The following GCNT4 variants were observed in gnomAD, a reference collection of about 807,000 sequenced individuals.
GCNT4 encodes the protein glucosaminyl (N-acetyl) transferase 4, also known as beta-1,3-galactosyl-O-glycosyl-glycoprotein beta-1,6-N-acetylglucosaminyltransferase 4.
A neutral mutation model predicts 31.3 loss-of-function variants in GCNT4; 17 were observed. That is an observed-to-expected ratio of 0.54 (90% CI 0.37 to 0.81). GCNT4 has a LOEUF of 0.81. Ranked by LOEUF, GCNT4 falls within the 40% of genes least tolerant of loss-of-function variation. The probability of loss-of-function intolerance (pLI) is 0.00; values close to 1 mark genes in which losing one functional copy is unlikely to be tolerated. For synonymous variants in GCNT4, 158 were observed against 190.6 expected (o/e 0.83, Z 1.41); for missense variants, 503 against 525.5 (o/e 0.96, Z 0.42).
At chr5:75,030,919 T>C (rs886216960) in intron 3 of GCNT4, 1 of 166,974 alleles carries the variant, frequency 6.0e-6, no homozygotes, top group Non-Finnish European at 1.5e-5. Context: ...ATCCATGCTA[T>C]AATATGTGAA....
intron 3 of GCNT4, among the ~76,000 whole-genome samples, chr5:75,036,960 A>G (rs916300854): frequency 6.6e-6 from 1 of 152,218 alleles, no homozygotes; most frequent in African/African-American, 2.4e-5. Flanking sequence ...TGTGGAGAAT[A>G]TTCCCTCTTC....
chr5:75,044,259 A>C (rs1743387557), intron 3 of GCNT4, among the ~76,000 whole-genome samples: 2 of 151,988 alleles, frequency 1.3e-5, no homozygotes, highest in Non-Finnish European at 2.9e-5. Flanking sequence ...AATAGTTCTG[A>C]GCCACCGCCT....
intron 2 of GCNT4, among the ~76,000 whole-genome samples, chr5:75,050,308 T>G (rs976625643): frequency 3.9e-5 from 6 of 152,204 alleles, no homozygotes; most frequent in African/African-American, 1.4e-4. Context: ...GAGCTTGATA[T>G]CAAAATACCA....
intron 3 of GCNT4, among the ~76,000 whole-genome samples, chr5:75,031,564 G>A (rs940575715): frequency 1.3e-5 from 2 of 152,178 alleles, no homozygotes; most frequent in African/African-American, 4.8e-5. Context: ...TCAGCCCACA[G>A]CTGTAGTGTT....
chr5:75,020,653 A>G (rs563554370), downstream of GCNT4, among the ~76,000 whole-genome samples: 1 of 152,078 alleles, frequency 6.6e-6, no homozygotes, highest in Non-Finnish European at 1.5e-5. Context: ...TCTAACCCCA[A>G]GCAGGACATT....
chr5:75,029,003 A>C lies in GCNT4; in HGVS notation c.1035T>G (p.Val345=), dbSNP rs1056459746. The C allele has an allele frequency of 7.4e-6, 12 of 1,614,140 alleles. No homozygotes were observed. The highest frequency in any genetic ancestry group is 3.3e-4 in the Middle Eastern group (2 of 6,062). ...DEHFWATLIR[V]PGIPGEISRS... is the part of the protein sequence containing the mutation. ...TGGAAATCTCCCCAGGTATTCCTGG[A>C]ACCCGAATCAAGGTAGCCCAAAAGT... Residue 345 remains valine, a synonymous_variant, in exon 4 of 4, where the codon GTT becomes GTG. Coordinates refer to ENST00000652361, the MANE Select transcript of GCNT4 (RefSeq NM_001366737.1).
Position 75,028,737 on chromosome 5 carries a change from T to C in GCNT4, c.1301A>G (p.Asp434Gly), listed in dbSNP as rs2149950544. Residue 434 changes from aspartate to glycine, a missense_variant, in exon 4 of 4, where the codon GAC becomes GGC. Asp to Gly is a moderately conservative substitution (Grantham distance 94). Coordinates refer to ENST00000652361, the MANE Select transcript of GCNT4 (RefSeq NM_001366737.1). ...LAEKLEEQQR[D>G]WITLPSEKLF... Reference sequence around the variant, plus strand: ...CTTTTCTGAGGGCAAAGTGATCCAGTCTCTCTGCTGTTCTTCAAGCTTTTC... The same window carrying C: ...CTTTTCTGAGGGCAAAGTGATCCAGCCTCTCTGCTGTTCTTCAAGCTTTTC... The C allele has an allele frequency of 6.2e-7, 1 of 1,613,958 alleles. No individual in the cohort carries two copies. Among genetic ancestry groups the C allele is most frequent in the African/African-American group, 1.3e-5 (1 of 75,046 alleles).
Position 75,052,244 on chromosome 5 carries a change from CAAAAAAAA to C in GCNT4, c.-201-25_-201-18del, listed in dbSNP as rs200517667. 2.2e-4 allele frequency: 21 copies of C among 95,186 alleles called. No homozygotes were observed. The highest frequency in any genetic ancestry group is 3.8e-4 in the Non-Finnish European group (15 of 39,252). The allele number at this position is 95,186 out of a possible 1,614,324, so 5.9% of individuals were successfully genotyped here. ...TTTGTTGTTCTTCCATTTTTAAAGA[CAAAAAAAA>C]AAAAAAAAAGAAAAAGAAAAAAATG... On this transcript the variant is annotated intron_variant, in intron 1 of 3. Transcript: ENST00000652361.
downstream of GCNT4, chr5:75,024,018 C>T (rs932081574): frequency 1.6e-4 from 25 of 152,188 alleles, no homozygotes; most frequent in African/African-American, 5.5e-4. Context: ...TCATCTGTCT[C>T]TGAAGCCGTT....
downstream of GCNT4, among the ~76,000 whole-genome samples, chr5:75,021,159 C>A (rs1039655065): frequency 6.6e-6 from 1 of 152,150 alleles, no homozygotes; most frequent in Admixed American, 6.5e-5. Context: ...ATCTCGAGGA[C>A]CCCCTCTGTC....
At chr5:75,049,480 G>T (rs911131783) in intron 2 of GCNT4, among the ~76,000 whole-genome samples, 2 of 152,116 alleles carry the variant, frequency 1.3e-5, no homozygotes, top group African/African-American at 4.8e-5. Context: ...GGATGGAAAC[G>T]GCTGCATTCA....
intron 3 of GCNT4, among the ~76,000 whole-genome samples, chr5:75,033,255 A>C (rs1743113978): frequency 6.6e-6 from 1 of 152,198 alleles, no homozygotes; most frequent in Non-Finnish European, 1.5e-5. Context: ...CTTCCTGAGA[A>C]GGCCTGGGGC....
chr5:75,034,529 G>A (rs1743154945), intron 3 of GCNT4, among the ~76,000 whole-genome samples: 1 of 152,206 alleles, frequency 6.6e-6, no homozygotes, highest in African/African-American at 2.4e-5. Context: ...AGGCTTATGG[G>A]CAGGAAGCAG....
At chr5:75,035,098 G>A (rs1029645320) in intron 3 of GCNT4, among the ~76,000 whole-genome samples, 1 of 135,954 alleles carries the variant, frequency 7.4e-6, no homozygotes, top group Non-Finnish European at 1.6e-5. Context: ...GGACACGACC[G>A]CATTCAGGGA....
downstream of GCNT4, among the ~76,000 whole-genome samples, chr5:75,022,698 G>C (rs535556361): frequency 6.6e-6 from 1 of 152,292 alleles, no homozygotes; most frequent in African/African-American, 2.4e-5. Flanking sequence ...ATCATGTCCA[G>C]CTGTTAGTAA....
At chr5:75,020,933 TTCTC>T (rs142581984), downstream of GCNT4, among the ~76,000 whole-genome samples, 11,259 of 152,210 alleles carry the variant, frequency 0.074, 477 homozygotes, top group Middle Eastern at 0.096. Flanking sequence ...CATCATGCTC[TTCTC>T]TCTCTCTGTT....
intron 3 of GCNT4, among the ~76,000 whole-genome samples, chr5:75,039,986 A>C (rs1302517429): frequency 1.3e-5 from 2 of 152,130 alleles, no homozygotes; most frequent in African/African-American, 4.8e-5. Flanking sequence ...CTACGAGTTC[A>C]TCTTATTCTA....
intron 3 of GCNT4, among the ~76,000 whole-genome samples, chr5:75,033,700 G>A (rs1743130667): frequency 6.6e-6 from 1 of 150,992 alleles, no homozygotes; most frequent in Non-Finnish European, 1.5e-5. Flanking sequence ...TTAAGTTCTG[G>A]GATACATGTG....
the GCNT4 span, among the ~76,000 whole-genome samples, chr5:75,018,584 G>A: frequency 2.6e-5 from 4 of 151,038 alleles, no homozygotes; most frequent in African/African-American, 9.8e-5. Context: ...TGGGATTACA[G>A]GTGTGAGCCA....
Sources: allele counts gnomAD v4.1 joint callset (sites outside exome capture counted in the v4.1 genomes callset), GRCh38; gene constraint gnomAD v4.1.1; transcripts MANE v1.5; gene names NCBI Gene and HGNC (gene_info 2026-07-23, HGNC 2026-07-21).